Variants in HTR2C observed in about 807,000 individuals in gnomAD.
HTR2C encodes the protein 5-hydroxytryptamine (serotonin) receptor 2C, G protein-coupled.
A neutral mutation model predicts 21.0 loss-of-function variants in HTR2C; 5 were observed. The observed-to-expected ratio is 0.24, with a 90% CI of 0.12 to 0.50. The LOEUF is 0.50. Among genes scored for constraint, HTR2C ranks in the 20% least tolerant of loss-of-function variants. The pLI is 0.98. For missense variants in HTR2C, 271 were observed against 371.2 expected, an observed-to-expected ratio of 0.73 and a Z score of 2.22; for synonymous variants, 150 against 145.3, an observed-to-expected ratio of 1.03 and a Z score of -0.23.
intron 1 of HTR2C, among the ~76,000 whole-genome samples, chrX:114,595,823 C>G (rs1373407326): frequency 9.0e-6 from 1 of 111,140 alleles, no homozygotes; most frequent in East Asian, 2.8e-4. Flanking sequence ...AAAAAAAATC[C>G]CAAATCATTT....
In HTR2C at chrX:114,656,461, C is replaced by T. The variant is rs1930785261; in HGVS notation, c.-80+42580C>T. Among the ~76,000 whole-genome samples the T allele has an allele frequency of 3.6e-5, 4 of 110,747 alleles. No homozygotes were observed. In the Admixed American group the frequency reaches 3.9e-4, roughly 11 times the overall value. On this transcript the variant is annotated intron_variant, in intron 2 of 5. Transcript: ENST00000276198. The stretch of plus-strand genomic sequence containing the variant: ...ATTTGTTTCTTAATGCAATAAAAGT[C>T]CTGCTTTCAAGGAGTCAGGTTCTGC...
At position 114,856,377 on chromosome X, in the gene HTR2C, G is replaced by A. The variant is rs7891935; in HGVS notation, c.550+8174G>A. ...CTCATGGGTAGGAAGAATCAATATCGTGAAAATGGCCATACTGCCCAAGGT... is the reference window on the plus strand; with the variant it reads ...CTCATGGGTAGGAAGAATCAATATCATGAAAATGGCCATACTGCCCAAGGT... On this transcript the variant is annotated intron_variant, in intron 5 of 5. Coordinates refer to ENST00000276198, the MANE Select transcript of HTR2C (RefSeq NM_000868.4). Among the ~76,000 whole-genome samples, 249 of 100,104 alleles carry A rather than the reference G, an allele frequency of 2.5e-3. 1 individual carries two copies. The highest frequency in any genetic ancestry group is 8.5e-3 in the African/African-American group (235 of 27,525). The allele number at this position is 100,104 out of a possible 115,157, so 86.9% of individuals were successfully genotyped here. A position where few individuals can be genotyped will look rare whatever the true frequency, so the allele number is the denominator to read the frequency against.
At chrX:114,629,887 T>C (rs1454612225) in intron 2 of HTR2C, among the ~76,000 whole-genome samples, 1 of 111,311 alleles carries the variant, frequency 9.0e-6, no homozygotes, top group Non-Finnish European at 1.9e-5. Flanking sequence ...GCACTTGTTT[T>C]GGTGGGAACA....
At chrX:114,789,451 C>T (rs976902403) in intron 4 of HTR2C, among the ~76,000 whole-genome samples, 8 of 111,614 alleles carry the variant, frequency 7.2e-5, no homozygotes, top group African/African-American at 9.8e-5. Context: ...TTAAAGCTTT[C>T]GAAAGTGTCA....
chrX:114,620,923 A>G (rs1929133472), intron 2 of HTR2C, among the ~76,000 whole-genome samples: 1 of 110,861 alleles, frequency 9.0e-6, no homozygotes, highest in Admixed American at 9.7e-5. Flanking sequence ...TCTGTAGCCC[A>G]GGTTGGAGTG....
chrX:114,754,770 G>A (rs112797890), intron 4 of HTR2C, among the ~76,000 whole-genome samples: 2,117 of 111,733 alleles, frequency 0.019, 54 homozygotes, highest in African/African-American at 0.065. Flanking sequence ...GTAAAAATGT[G>A]TAAATTGGAC....
At chrX:114,696,282 T>C (rs1444514915) in intron 2 of HTR2C, among the ~76,000 whole-genome samples, 8 of 111,783 alleles carry the variant, frequency 7.2e-5, no homozygotes, top group African/African-American at 2.3e-4. Flanking sequence ...CCCTTCATCT[T>C]TGGCAATATA....
At chrX:114,676,330 T>C (rs1556412669) in intron 2 of HTR2C, among the ~76,000 whole-genome samples, 1 of 111,724 alleles carries the variant, frequency 9.0e-6, no homozygotes, top group African/African-American at 3.3e-5. Context: ...CCTAAGCAAA[T>C]AGACTCCCTC....
Position 114,909,630 on chromosome X carries a change from T to C in HTR2C, c.*2215T>C. 8.9e-6 allele frequency: 1 copy of C among 112,708 alleles called. No homozygotes were observed. The highest frequency in any genetic ancestry group is 1.9e-5 in the Non-Finnish European group (1 of 53,265). 9.3% of individuals were successfully genotyped at this position (112,708 alleles called of 1,213,427 possible). ...GAATGATAATAGCTCACAGCACATT[T>C]GTTAATGATTCTTGTGTCATCAAGT... On this transcript the variant is annotated 3_prime_UTR_variant, in exon 6 of 6. Coordinates refer to ENST00000276198, the MANE Select transcript of HTR2C (RefSeq NM_000868.4).
In HTR2C at chrX:114,830,108, A is replaced by G. The variant is rs1300989953; in HGVS notation, c.350-17895A>G. Among the ~76,000 whole-genome samples, 4 of 112,021 alleles carry G rather than the reference A, an allele frequency of 3.6e-5. No homozygotes were observed. In the Admixed American group the frequency reaches 3.8e-4, roughly 11 times the overall value. ...ATATTAAATGTTCCAATCCATGAAC[A>G]TGGCCTAACTTTCAAAATTTTAGTT... On this transcript the variant is annotated intron_variant, in intron 4 of 5. Transcript: ENST00000276198.
chrX:114,724,857 G>A (rs1556421515), intron 2 of HTR2C, among the ~76,000 whole-genome samples: 3 of 101,873 alleles, frequency 2.9e-5, no homozygotes, highest in Non-Finnish European at 6.0e-5. Context: ...ATTCTCTTCT[G>A]GCTTGTGGAG....
chrX:114,719,777 G>T (rs1569486913), intron 2 of HTR2C, among the ~76,000 whole-genome samples: 1 of 111,075 alleles, frequency 9.0e-6, no homozygotes, highest in Non-Finnish European at 1.9e-5. Context: ...AAAGCATAAG[G>T]AAGCTGGCTA....
chrX:114,626,130 A>G (rs1929359920), intron 2 of HTR2C, among the ~76,000 whole-genome samples: 1 of 110,107 alleles, frequency 9.1e-6, no homozygotes. Flanking sequence ...TATTTACGGT[A>G]GCTCTTCTAA....
At chrX:114,826,043 C>CCCAAAATCTGAAATCTGAAATAAT (rs1217360086) in intron 4 of HTR2C, among the ~76,000 whole-genome samples, 1 of 108,093 alleles carries the variant, frequency 9.3e-6, no homozygotes, top group African/African-American at 3.4e-5. Flanking sequence ...CATCTCTAGT[C>CCCAAAATCTGAAATCTGAAATAAT]CCAAAATCTG....
chrX:114,820,627 C>T (rs781795866), intron 4 of HTR2C, among the ~76,000 whole-genome samples: 15 of 109,655 alleles, frequency 1.4e-4, no homozygotes, highest in African/African-American at 5.0e-4. Context: ...AATCATGGGG[C>T]CCAGTCTTTC....
chrX:114,807,471 A>T (rs908369156), intron 4 of HTR2C, among the ~76,000 whole-genome samples: 4 of 93,021 alleles, frequency 4.3e-5, no homozygotes, highest in Non-Finnish European at 6.4e-5. Flanking sequence ...ATATATATAT[A>T]CCATATATAT....
chrX:114,837,794 A>G (rs1469769728), intron 4 of HTR2C, among the ~76,000 whole-genome samples: 1 of 111,495 alleles, frequency 9.0e-6, no homozygotes, highest in Non-Finnish European at 1.9e-5. Flanking sequence ...GTGAAAATTA[A>G]TAACATAATG....
intron 4 of HTR2C, among the ~76,000 whole-genome samples, chrX:114,803,449 T>C (rs1383375696): frequency 4.9e-5 from 5 of 102,869 alleles, no homozygotes; most frequent in Non-Finnish European, 9.9e-5. Context: ...TGGTATCTCA[T>C]TGTGGTTTTG....
chrX:114,907,427 A>G lies in HTR2C; in HGVS notation c.*12A>G. On this transcript the variant is annotated 3_prime_UTR_variant, in exon 6 of 6. Coordinates refer to ENST00000276198, the MANE Select transcript of HTR2C (RefSeq NM_000868.4). ...TTAGCAGTGTGTGAGAAAGAACAGC[A>G]CAGTCTTTTCCTACGGTACAAGCTA... 8.7e-7 allele frequency: 1 copy of G among 1,145,362 alleles called. No homozygotes were observed. The highest frequency in any genetic ancestry group is 1.2e-6 in the Non-Finnish European group (1 of 837,335). 94.4% of individuals were successfully genotyped at this position (1,145,362 alleles called of 1,213,427 possible). A position where few individuals can be genotyped will look rare whatever the true frequency, so the allele number is the denominator to read the frequency against.
Sources: allele counts gnomAD v4.1 joint callset (sites outside exome capture counted in the v4.1 genomes callset), GRCh38; gene constraint gnomAD v4.1.1; transcripts MANE v1.5; gene names NCBI Gene and HGNC (gene_info 2026-07-23, HGNC 2026-07-21).